PCDHGA7: variants seen among roughly 807,000 people sequenced by gnomAD.
PCDHGA7 encodes protocadherin gamma subfamily A, 7.
A neutral mutation model predicts 58.3 loss-of-function variants in PCDHGA7; 44 were observed. The observed-to-expected ratio is 0.75, with a 90% CI of 0.59 to 0.97. The LOEUF (loss-of-function observed/expected upper bound fraction) is 0.97. Among genes scored for constraint, PCDHGA7 ranks in the 50% least tolerant of loss-of-function variants. The pLI, the probability that PCDHGA7 is intolerant of heterozygous loss-of-function variation, is 0.00. For missense variants in PCDHGA7, 1,266 were observed against 1,188.7 expected (o/e 1.06, Z -0.96); for synonymous variants, 516 against 504.2 (o/e 1.02, Z -0.31).
Position 141,431,645 on chromosome 5 carries a change from T to C in PCDHGA7, c.2424+46322T>C. ...GGCGGCCCAAGTTTTCAAACTAGAT[T>C]GTAATTCAGGGACAATATCAACAAT... is the stretch of plus-strand genomic sequence containing the variant. On this transcript the variant is annotated intron_variant, in intron 1 of 3. Coordinates refer to ENST00000518325, the MANE Select transcript of PCDHGA7 (RefSeq NM_018920.4). This position sits in a 1 kb window ranked among gnomAD's most constrained non-coding sequence, Gnocchi z 4.8. 6.2e-7 allele frequency: 1 copy of C among 1,614,236 alleles called. No individual in the cohort carries two copies.
intron 1 of PCDHGA7, among the ~76,000 whole-genome samples, chr5:141,460,961 A>ATGTG (rs35821115): frequency 4.1e-5 from 6 of 144,616 alleles, no homozygotes; most frequent in South Asian, 2.2e-4. Context: ...GTATATATAT[A>ATGTG]TGTGTGTGTG....
At position 141,490,788 on chromosome 5, in the gene PCDHGA7, C is replaced by G. The variant is rs2099704332; in HGVS notation, c.2425-4019C>G. ...ATGTCAACCCAGAGGATGGACGGAT[C>G]TTTGCCCAGCGTACCTTTGACTATG... On this transcript the variant is annotated intron_variant, in intron 1 of 3. Coordinates refer to ENST00000518325, the MANE Select transcript of PCDHGA7 (RefSeq NM_018920.4). The surrounding 1 kb of genome is among the most constrained non-coding windows in gnomAD (Gnocchi z 5.4). 6.2e-7 allele frequency: 1 copy of G among 1,613,918 alleles called. No homozygotes were observed. The highest frequency in any genetic ancestry group is 1.1e-5 in the South Asian group (1 of 91,084).
intron 1 of PCDHGA7, among the ~76,000 whole-genome samples, chr5:141,470,459 AT>A: frequency 6.6e-6 from 1 of 152,096 alleles, no homozygotes; most frequent in East Asian, 1.9e-4. Flanking sequence ...CTTGAATAGG[AT>A]TTTCTGATAT....
In PCDHGA7 at chr5:141,486,329, A is replaced by C. The variant is rs1045072240; in HGVS notation, c.2425-8478A>C. 1.2e-6 allele frequency: 2 copies of C among 1,613,882 alleles called. No individual in the cohort carries two copies. Among genetic ancestry groups the C allele is most frequent in the African/African-American group, 2.7e-5 (2 of 74,866 alleles). ...AGACTCAGGGTCAAACGGAGATGTG[A>C]GCCTCCGCATTCCTGACCACTTGCC... On this transcript the variant is annotated intron_variant, in intron 1 of 3. Transcript: ENST00000518325. The surrounding 1 kb of genome is among the most constrained non-coding windows in gnomAD (Gnocchi z 5.0).
chr5:141,404,021 A>C lies in PCDHGA7; in HGVS notation c.2424+18698A>C, dbSNP rs192150782. 5 of 1,613,894 alleles carry C rather than the reference A, an allele frequency of 3.1e-6. No individual in the cohort carries two copies. The African/African-American group carries it at 4.0e-5, about 13-fold the overall frequency. ...CATTACATCTCTGTTTAGCCCAGTG[A>C]GAGAAGACGCACCTCAGGGAACAGT... On this transcript the variant is annotated intron_variant, in intron 1 of 3. Coordinates refer to ENST00000518325, the MANE Select transcript of PCDHGA7 (RefSeq NM_018920.4).
intron 1 of PCDHGA7, chr5:141,413,652 G>A: frequency 6.2e-7 from 1 of 1,613,780 alleles, no homozygotes; most frequent in Non-Finnish European, 8.5e-7. Context: ...TTCCTCTCCC[G>A]GAAGCTATTG....
intron 1 of PCDHGA7, chr5:141,390,878 G>A (rs2092258677): frequency 6.5e-6 from 1 of 153,282 alleles, no homozygotes; most frequent in Non-Finnish European, 1.5e-5. Flanking sequence ...GTGTGTGTGT[G>A]TGTGTGTGTG....
At chr5:141,415,185 C>T (rs375113497) in intron 1 of PCDHGA7, 2 of 1,613,978 alleles carry the variant, frequency 1.2e-6, no homozygotes, top group Non-Finnish European at 8.5e-7. Flanking sequence ...CCGTGGCCGA[C>T]AGCATCCCCC....
Position 141,388,164 on chromosome 5 carries a change from G to A in PCDHGA7, c.2424+2841G>A, listed in dbSNP as rs372819071. 487 of 1,478,548 alleles carry A rather than the reference G, an allele frequency of 3.3e-4. No homozygotes were observed. The highest frequency in any genetic ancestry group is 4.3e-4 in the Non-Finnish European group (458 of 1,069,378). 91.6% of individuals were successfully genotyped at this position (1,478,548 alleles called of 1,614,324 possible). A position where few individuals can be genotyped will look rare whatever the true frequency, so the allele number is the denominator to read the frequency against. On this transcript the variant is annotated intron_variant, in intron 1 of 3. Coordinates refer to ENST00000518325, the MANE Select transcript of PCDHGA7 (RefSeq NM_018920.4). ...TGTGAGCAGCAGGCTAGACAGGGAG[G>A]AGATATGCGGGAAGAAGCCAGCTTG...
At chr5:141,418,433 C>G (rs761824602) in intron 1 of PCDHGA7, 44 of 1,613,938 alleles carry the variant, frequency 2.7e-5, no homozygotes, top group Non-Finnish European at 3.7e-5. Flanking sequence ...TGGCAAATAT[C>G]CAGAATTAGT....
At chr5:141,386,548 G>T (rs1264128780) in intron 1 of PCDHGA7, among the ~76,000 whole-genome samples, 1 of 151,902 alleles carries the variant, frequency 6.6e-6, no homozygotes, top group Non-Finnish European at 1.5e-5. Context: ...GTTGTATTTG[G>T]TAGTATTTTG....
chr5:141,462,668 T>C (rs778396861), intron 1 of PCDHGA7, among the ~76,000 whole-genome samples: 10 of 152,232 alleles, frequency 6.6e-5, no homozygotes, highest in Non-Finnish European at 1.5e-4. Flanking sequence ...CTTCATATTT[T>C]TCTTTAAATT....
At chr5:141,414,753 T>G (rs10041534) in intron 1 of PCDHGA7, 22 of 1,614,088 alleles carry the variant, frequency 1.4e-5, no homozygotes, top group Non-Finnish European at 1.8e-5. Context: ...CCTTCGACTA[T>G]GAGCAGTTTC....
In PCDHGA7 at chr5:141,490,949, A is replaced by G. The variant is rs2074912; in HGVS notation, c.2425-3858A>G. On this transcript the variant is annotated intron_variant, in intron 1 of 3. Coordinates refer to ENST00000518325, the MANE Select transcript of PCDHGA7 (RefSeq NM_018920.4). The surrounding 1 kb of genome is among the most constrained non-coding windows in gnomAD (Gnocchi z 5.4). ...CCAGCTGTGCTGCACCCACGGCCAG[A>G]CTGGGAACACTCAGCCCCCCAGCGT... 0.21 allele frequency: 331,850 copies of G among 1,613,352 alleles called. 36,311 individuals carry two copies. The highest frequency in any genetic ancestry group is 0.37 in the Admixed American group (22,349 of 59,972).
rs148798222 is a variant in PCDHGA7, at chr5:141,432,106, G to A, written c.2424+46783G>A. On this transcript the variant is annotated intron_variant, in intron 1 of 3. Coordinates refer to ENST00000518325, the MANE Select transcript of PCDHGA7 (RefSeq NM_018920.4). This position sits in a 1 kb window ranked among gnomAD's most constrained non-coding sequence, Gnocchi z 6.0. The stretch of plus-strand genomic sequence containing the variant: ...ACGTGGCAGACACCAACGACAACCC[G>A]CCGGTCTTCCCTCAGGCCTCCTATT... 4 of 1,614,068 alleles carry A rather than the reference G, an allele frequency of 2.5e-6. No homozygotes were observed. Among genetic ancestry groups the A allele is most frequent in the Non-Finnish European group, 3.4e-6 (4 of 1,180,020 alleles).
At chr5:141,394,785 G>C in intron 1 of PCDHGA7, 2 of 1,613,722 alleles carry the variant, frequency 1.2e-6, no homozygotes, top group South Asian at 2.2e-5. Flanking sequence ...CTCCGCCACT[G>C]TCACGCTCAC....
chr5:141,394,158 C>G lies in PCDHGA7; in HGVS notation c.2424+8835C>G, dbSNP rs777816337. 1.2e-5 allele frequency: 19 copies of G among 1,613,726 alleles called. No homozygotes were observed. The Admixed American group carries it at 2.0e-4, about 17-fold the overall frequency. On this transcript the variant is annotated intron_variant, in intron 1 of 3. Transcript: ENST00000518325. ...GCACGTGGCAGACATTAACGACAAC[C>G]CTCCTACTTTCCCTCATGCCTCCTA...
At position 141,487,790 on chromosome 5, in the gene PCDHGA7, C is replaced by T. The variant is rs1360781901; in HGVS notation, c.2425-7017C>T. 6.6e-7 allele frequency: 1 copy of T among 1,511,992 alleles called. No individual in the cohort carries two copies. Among genetic ancestry groups the T allele is most frequent in the Non-Finnish European group, 8.9e-7 (1 of 1,120,458 alleles). The allele number at this position is 1,511,992 out of a possible 1,614,324, so 93.7% of individuals were successfully genotyped here. ...GCTTTGTAACTGTTTCGTGAATTAA[C>T]CAGAGTTGTCACAGTTTAGCATTGG... On this transcript the variant is annotated intron_variant, in intron 1 of 3. Coordinates refer to ENST00000518325, the MANE Select transcript of PCDHGA7 (RefSeq NM_018920.4). This position sits in a 1 kb window ranked among gnomAD's most constrained non-coding sequence, Gnocchi z 5.0.
At chr5:141,465,768 C>T (rs1414064889) in intron 1 of PCDHGA7, among the ~76,000 whole-genome samples, 1 of 151,916 alleles carries the variant, frequency 6.6e-6, no homozygotes, top group Non-Finnish European at 1.5e-5. Flanking sequence ...CATGTTTCAT[C>T]TCTTGTTACA....
Sources: allele counts gnomAD v4.1 joint callset (sites outside exome capture counted in the v4.1 genomes callset), GRCh38; gene constraint gnomAD v4.1.1; non-coding constraint Gnocchi (gnomAD v3.1); transcripts MANE v1.5; gene names NCBI Gene and HGNC (gene_info 2026-07-23, HGNC 2026-07-21).